The following HIVEP3 variants were observed in gnomAD, a reference collection of about 807,000 sequenced individuals.
The protein encoded by HIVEP3 is transcription factor HIVEP3.
A neutral mutation model predicts 152.8 loss-of-function variants in HIVEP3; 49 were observed. That is an observed-to-expected ratio of 0.32 (90% confidence interval 0.26 to 0.41). The LOEUF is 0.41. HIVEP3 is among the 10% of genes least tolerant of loss of function. The pLI, the probability that HIVEP3 is intolerant of heterozygous loss-of-function variation, is 1.00. For synonymous variants in HIVEP3, 1,269 were observed against 1,289.0 expected (o/e 0.98, Z 0.33); for missense variants, 2,790 against 3,103.3 (o/e 0.90, Z 2.40).
At chr1:41,525,261 G>A (rs992389782) in intron 5 of HIVEP3, among the ~76,000 whole-genome samples, 3 of 151,352 alleles carry the variant, frequency 2.0e-5, no homozygotes, top group African/African-American at 7.3e-5. Context: ...AGCCACCGCA[G>A]GCCACCAGAG....
intron 1 of HIVEP3, among the ~76,000 whole-genome samples, chr1:41,708,838 C>A (rs1646471584): frequency 6.6e-6 from 1 of 152,180 alleles, no homozygotes; most frequent in Non-Finnish European, 1.5e-5. Context: ...AACCTAGTAG[C>A]CATGTCATCC....
At chr1:41,755,196 A>G (rs1036815596) in intron 1 of HIVEP3, among the ~76,000 whole-genome samples, 3 of 152,248 alleles carry the variant, frequency 2.0e-5, no homozygotes, top group African/African-American at 7.2e-5. Flanking sequence ...AAGCAATTCA[A>G]TGAAGGAAGC....
At chr1:41,689,874 ATGT>A (rs1646169337) in intron 2 of HIVEP3, among the ~76,000 whole-genome samples, 1 of 152,200 alleles carries the variant, frequency 6.6e-6, no homozygotes, top group African/African-American at 2.4e-5. Context: ...ACCCTGGCTA[ATGT>A]TGGCCTTGCA....
At chr1:41,570,451 C>T (rs1398534224) in intron 5 of HIVEP3, among the ~76,000 whole-genome samples, 2 of 152,084 alleles carry the variant, frequency 1.3e-5, no homozygotes, top group Admixed American at 1.3e-4. Context: ...TTTGGTAGTT[C>T]CTCCTGCATG....
At chr1:41,971,581 C>T (rs1041192002) in intron 1 of HIVEP3, among the ~76,000 whole-genome samples, 3 of 152,118 alleles carry the variant, frequency 2.0e-5, no homozygotes, top group Admixed American at 6.5e-5. Flanking sequence ...GAGCTCCAGT[C>T]GCCCCAGACC....
rs1414356882 is a variant in HIVEP3 at position 41,511,283 on chromosome 1, AG to A, written c.6406-18del. On this transcript the variant is annotated intron_variant, in intron 8 of 8. Transcript: ENST00000372583. The surrounding 1 kb of genome is among the most constrained non-coding windows in gnomAD (Gnocchi z 4.9). ...GGCCTTCTGCTGGGGTCAGAAAACA[AG>A]ACAAGGTAAGGTGAAGGTTACATGC... 5 of 1,570,418 alleles carry A rather than the reference AG, an allele frequency of 3.2e-6. No individual in the cohort carries two copies. Among genetic ancestry groups the A allele is most frequent in the Non-Finnish European group, 3.5e-6 (4 of 1,156,922 alleles).
chr1:41,526,878 C>G (rs554561084), intron 5 of HIVEP3, among the ~76,000 whole-genome samples: 2 of 144,976 alleles, frequency 1.4e-5, no homozygotes, highest in Admixed American at 6.9e-5. Flanking sequence ...CACAGCCTCA[C>G]AAGCTCACTC....
At chr1:41,746,555 G>T (rs1211799279) in intron 1 of HIVEP3, among the ~76,000 whole-genome samples, 1 of 152,216 alleles carries the variant, frequency 6.6e-6, no homozygotes, top group Non-Finnish European at 1.5e-5. Flanking sequence ...AGCTATGCAT[G>T]GGGATGGCAG....
chr1:41,558,927 G>A (rs1056590702), intron 5 of HIVEP3, among the ~76,000 whole-genome samples: 1 of 152,098 alleles, frequency 6.6e-6, no homozygotes, highest in Non-Finnish European at 1.5e-5. Context: ...TTGGGAGCCT[G>A]CCTGCCCAGT....
At chr1:41,671,132 T>A (rs1256643545) in intron 2 of HIVEP3, among the ~76,000 whole-genome samples, 1 of 152,162 alleles carries the variant, frequency 6.6e-6, no homozygotes, top group Non-Finnish European at 1.5e-5. Context: ...TAAGCCTCCC[T>A]CTCAGGGGAC....
In HIVEP3 at chr1:41,513,709, C is replaced by T. The variant is rs773517049; in HGVS notation, c.5512G>A (p.Gly1838Ser). 1.9e-6 allele frequency: 3 copies of T among 1,597,832 alleles called. No individual in the cohort carries two copies. Among genetic ancestry groups the T allele is most frequent in the African/African-American group, 2.7e-5 (2 of 74,362 alleles). The change falls in exon 8 of 9, where the codon GGT (glycine) becomes AGT (serine). Residue 1838 changes from glycine (G) to serine (S), a missense_variant. Physicochemically the swap from Gly to Ser is moderately conservative, Grantham distance 56. Around this residue, in one of 9 missense-constraint regions of HIVEP3, gnomAD observed 816 missense variants for 806.5 expected, o/e 1.01. Coordinates refer to ENST00000372583, the MANE Select transcript of HIVEP3 (RefSeq NM_024503.5). Reference protein sequence around the residue: ...DLFQDSEGREGSEAVEEHQFS... With the variant: ...DLFQDSEGRESSEAVEEHQFS... ...TGGTGCTCCTCCACAGCCTCTGAAC[C>T]CTCTCGTCCTTCCGAGTCCTGGAAC...
At chr1:42,004,937 T>TGTTTC (rs2124525855) in intron 1 of HIVEP3, among the ~76,000 whole-genome samples, 3 of 152,336 alleles carry the variant, frequency 2.0e-5, no homozygotes, top group East Asian at 3.9e-4. Context: ...GAGTTTGCTG[T>TGTTTC]AAATATGTCT....
chr1:41,780,026 A>C (rs1253883150), intron 1 of HIVEP3, among the ~76,000 whole-genome samples: 1 of 152,204 alleles, frequency 6.6e-6, no homozygotes, highest in Non-Finnish European at 1.5e-5. Flanking sequence ...TGACAATGAC[A>C]AATCACGGAG....
At position 41,511,469 on chromosome 1, in the gene HIVEP3, G is replaced by A. The variant is rs1189621052; in HGVS notation, c.6406-203C>T. On this transcript the variant is annotated intron_variant, in intron 8 of 8. Coordinates refer to ENST00000372583, the MANE Select transcript of HIVEP3 (RefSeq NM_024503.5). The surrounding 1 kb of genome is among the most constrained non-coding windows in gnomAD (Gnocchi z 4.9). ...CCATCTCTGGAATGGGCCATCTCCA[G>A]CTCGACAGTGACCATGAGTATGCTC... 6.6e-6 allele frequency among the ~76,000 whole-genome samples: 1 copy of A among 152,170 alleles called. No homozygotes were observed. The highest frequency in any genetic ancestry group is 1.5e-5 in the Non-Finnish European group (1 of 68,032).
intron 1 of HIVEP3, among the ~76,000 whole-genome samples, chr1:41,790,788 C>T (rs1401401143): frequency 1.3e-5 from 2 of 152,150 alleles, no homozygotes; most frequent in Admixed American, 6.5e-5. Context: ...GTGGCCCCTT[C>T]CCATCAAGCC....
At chr1:41,920,575 TG>T (rs1274850251), upstream of HIVEP3, among the ~76,000 whole-genome samples, 5 of 77,230 alleles carry the variant, frequency 6.5e-5, no homozygotes, top group Middle Eastern at 7.5e-3. Context: ...GAAAACAAGA[TG>T]GTTTTTTTTT....
Position 41,585,160 on chromosome 1 carries a change from C to T in HIVEP3, c.-363G>A. On this transcript the variant is annotated 5_prime_UTR_variant, in exon 4 of 9. An upstream open reading frame in the 5' UTR loses its in-frame stop. Coordinates refer to ENST00000372583, the MANE Select transcript of HIVEP3 (RefSeq NM_024503.5). ...GTGGCCCCCACGAGTCCCCCGTGTG[C>T]TATGCAAACGGTTGAAGGTTGGAGA... 2.5e-6 allele frequency: 1 copy of T among 398,906 alleles called. No homozygotes were observed. 24.7% of individuals were successfully genotyped at this position (398,906 alleles called of 1,614,324 possible).
chr1:41,764,158 G>T (rs1044667028), intron 1 of HIVEP3, among the ~76,000 whole-genome samples: 2 of 152,210 alleles, frequency 1.3e-5, no homozygotes, highest in African/African-American at 4.8e-5. Flanking sequence ...CCCCAGGGAT[G>T]TGTGGGGAAT....
chr1:41,656,575 G>T (rs1359398600), intron 2 of HIVEP3, among the ~76,000 whole-genome samples: 1 of 152,126 alleles, frequency 6.6e-6, no homozygotes, highest in African/African-American at 2.4e-5. Flanking sequence ...TTGAACTTGG[G>T]CACTGATGGG....
Sources: allele counts gnomAD v4.1 joint callset (sites outside exome capture counted in the v4.1 genomes callset), GRCh38; gene constraint gnomAD v4.1.1; regional missense constraint gnomAD v4.1.1; non-coding constraint Gnocchi (gnomAD v3.1); transcripts MANE v1.5; gene names NCBI Gene and HGNC (gene_info 2026-07-23, HGNC 2026-07-21).